The following CADM2 variants were observed in gnomAD, a reference collection of about 807,000 sequenced individuals.
CADM2 encodes immunoglobulin superfamily member 4D.
Under a neutral mutation model 49.8 loss-of-function variants are expected in CADM2, and 12 were observed. That is an observed-to-expected ratio of 0.24 (90% CI 0.15 to 0.39). The LOEUF (loss-of-function observed/expected upper bound fraction) is 0.39. CADM2 is among the 10% of genes least tolerant of loss of function. CADM2 has a pLI of 1.00. For synonymous variants in CADM2, 214 were observed against 175.4 expected (o/e 1.22, Z -1.74); for missense variants, 378 against 492.3 (o/e 0.77, Z 2.20).
chr3:85,446,035 A>T (rs919821928), intron 1 of CADM2, among the ~76,000 whole-genome samples: 5 of 152,116 alleles, frequency 3.3e-5, no homozygotes, highest in Non-Finnish European at 7.4e-5. Context: ...TGTACACTAG[A>T]TAGTCATTAA....
chr3:85,779,268 C>G (rs896066407), intron 2 of CADM2, among the ~76,000 whole-genome samples: 1 of 151,906 alleles, frequency 6.6e-6, no homozygotes, highest in Admixed American at 6.6e-5. Context: ...TTTTACACAA[C>G]TTTATATTTG....
chr3:86,038,480 A>C (rs549228499), intron 8 of CADM2, among the ~76,000 whole-genome samples: 2 of 152,142 alleles, frequency 1.3e-5, no homozygotes, highest in Non-Finnish European at 1.5e-5. Flanking sequence ...AACTCCAATT[A>C]ATCCTCTTGT....
At chr3:85,403,436 G>A (rs983157131) in intron 1 of CADM2, among the ~76,000 whole-genome samples, 2 of 152,046 alleles carry the variant, frequency 1.3e-5, no homozygotes, top group South Asian at 4.1e-4. Context: ...GCTTGTATAT[G>A]TGTTCATTTT....
At chr3:85,985,387 G>T (rs1445852916) in intron 8 of CADM2, among the ~76,000 whole-genome samples, 1 of 151,872 alleles carries the variant, frequency 6.6e-6, no homozygotes, top group Non-Finnish European at 1.5e-5. Context: ...TCACCTTGAG[G>T]GTTAGGAATT....
At position 85,335,543 on chromosome 3, in the gene CADM2, C is replaced by T. The variant is rs193186988; in HGVS notation, c.61+375875C>T. Among the ~76,000 whole-genome samples, 1,074 of 151,466 alleles carry T rather than the reference C, an allele frequency of 7.1e-3. 7 individuals carry two copies. Among genetic ancestry groups the T allele is most frequent in the Non-Finnish European group, 0.01 (706 of 67,510 alleles). ...GGAATTATTAGCATATTCATCATCT[C>T]AGATATTTATCACTTTTTTTTTTGT... On this transcript the variant is annotated intron_variant, in intron 1 of 9. Transcript: ENST00000383699.
In CADM2 at chr3:86,066,798, T is replaced by G. The variant is rs1431512507; in HGVS notation, c.*15T>G. 3.9e-6 allele frequency: 6 copies of G among 1,546,420 alleles called. No individual in the cohort carries two copies. The highest frequency in any genetic ancestry group is 5.4e-6 in the Non-Finnish European group (6 of 1,118,840). On this transcript the variant is annotated 3_prime_UTR_variant, in exon 10 of 10. Coordinates refer to ENST00000383699, the MANE Select transcript of CADM2 (RefSeq NM_001167675.2). Reference sequence around the variant, plus strand: ...ATTTCATTTAAGATGCAGGCCAAGATTCTGAGTTTTACTACCAGGCTGAAT... The same window carrying G: ...ATTTCATTTAAGATGCAGGCCAAGAGTCTGAGTTTTACTACCAGGCTGAAT...
intron 1 of CADM2, among the ~76,000 whole-genome samples, chr3:85,459,579 C>G (rs529451355): frequency 3.9e-5 from 6 of 152,164 alleles, no homozygotes; most frequent in Non-Finnish European, 8.8e-5. Flanking sequence ...GTGACCCTAA[C>G]CAGATGCTGA....
At chr3:85,025,218 A>C (rs1176833296) in intron 1 of CADM2, among the ~76,000 whole-genome samples, 1 of 152,164 alleles carries the variant, frequency 6.6e-6, no homozygotes, top group Non-Finnish European at 1.5e-5. Flanking sequence ...CAGTTGAGTT[A>C]GTTAAAATTA....
At chr3:85,337,471 C>G (rs980247477) in intron 1 of CADM2, among the ~76,000 whole-genome samples, 1 of 151,252 alleles carries the variant, frequency 6.6e-6, no homozygotes, top group African/African-American at 2.4e-5. Flanking sequence ...GTAATTGGGA[C>G]AAAAATAAAT....
Position 84,963,992 on chromosome 3 carries a change from T to C in CADM2, c.61+4324T>C, listed in dbSNP as rs141561057. 4.8e-3 allele frequency among the ~76,000 whole-genome samples: 732 copies of C among 152,294 alleles called. 4 individuals carry two copies. The highest frequency in any genetic ancestry group is 0.016 in the African/African-American group (685 of 41,578). On this transcript the variant is annotated intron_variant, in intron 1 of 9. Coordinates refer to ENST00000383699, the MANE Select transcript of CADM2 (RefSeq NM_001167675.2). Reference sequence around the variant, plus strand: ...TAGTCAAACATCAGACAATTGGTAATTAAGAAAATCTTTGCAAATATAAGG... The same window carrying C: ...TAGTCAAACATCAGACAATTGGTAACTAAGAAAATCTTTGCAAATATAAGG...
chr3:85,864,967 C>G (rs971655050), intron 3 of CADM2, among the ~76,000 whole-genome samples: 1 of 152,160 alleles, frequency 6.6e-6, no homozygotes, highest in Non-Finnish European at 1.5e-5. Context: ...ATCTTAATCT[C>G]TCTAGTCACT....
intron 1 of CADM2, among the ~76,000 whole-genome samples, chr3:85,320,768 T>C (rs530023921): frequency 6.6e-6 from 1 of 152,274 alleles, no homozygotes; most frequent in East Asian, 1.9e-4. Context: ...TGTAACTTCC[T>C]TTTGGGGTCT....
intron 8 of CADM2, among the ~76,000 whole-genome samples, chr3:86,000,940 T>C (rs549001449): frequency 6.6e-6 from 1 of 152,140 alleles, no homozygotes; most frequent in South Asian, 2.1e-4. Flanking sequence ...AGCAAATGTG[T>C]AAGAAATATA....
chr3:85,129,623 C>T (rs1275499600), intron 1 of CADM2, among the ~76,000 whole-genome samples: 2 of 152,168 alleles, frequency 1.3e-5, no homozygotes, highest in South Asian at 2.1e-4. Context: ...ACATTCTTAT[C>T]GCCTGAGGAG....
At chr3:85,209,567 C>G (rs2041727836) in intron 1 of CADM2, among the ~76,000 whole-genome samples, 1 of 151,912 alleles carries the variant, frequency 6.6e-6, no homozygotes, top group Admixed American at 6.6e-5. Context: ...CCATCATTTC[C>G]CCCTCATTTG....
At chr3:85,520,987 C>T (rs1289901266) in intron 1 of CADM2, among the ~76,000 whole-genome samples, 1 of 151,990 alleles carries the variant, frequency 6.6e-6, no homozygotes, top group Admixed American at 6.6e-5. Flanking sequence ...TGTGGTACAA[C>T]ATAACTTACC....
chr3:85,107,760 C>G (rs2038301600), intron 1 of CADM2, among the ~76,000 whole-genome samples: 1 of 143,600 alleles, frequency 7.0e-6, no homozygotes, highest in African/African-American at 2.6e-5. Context: ...AGTACAATGG[C>G]ATGATCTCAG....
intron 1 of CADM2, among the ~76,000 whole-genome samples, chr3:85,095,760 GAAC>G (rs2037771895): frequency 6.6e-6 from 1 of 152,034 alleles, no homozygotes; most frequent in Non-Finnish European, 1.5e-5. Context: ...TTCCACCAGT[GAAC>G]ACATCTCTAA....
At chr3:85,880,105 A>T (rs1712521270) in intron 3 of CADM2, among the ~76,000 whole-genome samples, 1 of 152,120 alleles carries the variant, frequency 6.6e-6, no homozygotes, top group African/African-American at 2.4e-5. Flanking sequence ...TTCCGTCTTT[A>T]TTTATAGAGT....
Sources: allele counts gnomAD v4.1 joint callset (sites outside exome capture counted in the v4.1 genomes callset), GRCh38; gene constraint gnomAD v4.1.1; transcripts MANE v1.5; gene names NCBI Gene and HGNC (gene_info 2026-07-23, HGNC 2026-07-21).